The following KIF6 variants were observed in gnomAD, a reference collection of about 807,000 sequenced individuals.
KIF6 encodes kinesin family member 6.
In KIF6, 106 loss-of-function variants were observed where a neutral mutation model predicts 112.7. The ratio of observed to expected loss-of-function variants is 0.94; its 90% CI spans 0.80 to 1.11. The LOEUF (loss-of-function observed/expected upper bound fraction) is 1.11, where lower values mean the gene tolerates loss of function less well. Among genes scored for constraint, KIF6 ranks in the 50% least tolerant of loss-of-function variants. KIF6 has a pLI of 0.00. For synonymous variants in KIF6, 339 were observed against 339.9 expected, an observed-to-expected ratio of 1.00 and a Z score of 0.03; for missense variants, 929 against 964.0, an observed-to-expected ratio of 0.96 and a Z score of 0.48.
At chr6:39,558,194 AC>A (rs1273492774) in intron 10 of KIF6, among the ~76,000 whole-genome samples, 1 of 152,126 alleles carries the variant, frequency 6.6e-6, no homozygotes, top group Non-Finnish European at 1.5e-5. Context: ...CACAGTGAAA[AC>A]CCAAAGCTGT....
intron 13 of KIF6, among the ~76,000 whole-genome samples, chr6:39,458,579 A>T (rs1773294808): frequency 6.7e-6 from 1 of 149,026 alleles, no homozygotes; most frequent in Admixed American, 6.7e-5. Context: ...AGGAAGTCAA[A>T]TTGTCCCTGT....
At chr6:39,543,260 C>T (rs959710996) in intron 12 of KIF6, among the ~76,000 whole-genome samples, 1 of 151,980 alleles carries the variant, frequency 6.6e-6, no homozygotes, top group Admixed American at 6.6e-5. Context: ...GGGGCTGGGG[C>T]CAGGACTGAG....
Position 39,613,220 on chromosome 6 carries a change from A to G in KIF6, c.608T>C (p.Phe203Ser). 6.2e-7 allele frequency: 1 copy of G among 1,602,476 alleles called. No individual in the cohort carries two copies. Among genetic ancestry groups the G allele is most frequent in the Non-Finnish European group, 8.5e-7 (1 of 1,175,264 alleles). Residue 203 changes from phenylalanine to serine, a missense_variant, in exon 6 of 23, where the codon TTT (phenylalanine) becomes TCT (serine). By Grantham distance (155) the Phe-to-Ser change is radical. Around this residue, in one of 2 missense-constraint regions of KIF6, gnomAD observed 688 missense variants for 662.7 expected, o/e 1.04. Coordinates refer to ENST00000287152, the MANE Select transcript of KIF6 (RefSeq NM_145027.6). ...TTEEEALNLL[F>S]LGDTNRMIAE... The stretch of plus-strand genomic sequence containing the variant: ...AATCATTCGGTTGGTGTCTCCTAAA[A>G]AAAGCAAATTCAGAGCTTCTTCCTC...
At chr6:39,700,236 G>T (rs543123477) in intron 3 of KIF6, among the ~76,000 whole-genome samples, 1 of 152,108 alleles carries the variant, frequency 6.6e-6, no homozygotes, top group African/African-American at 2.4e-5. Context: ...TTCAATAGTA[G>T]GTCTTATTCA....
chr6:39,662,036 C>T (rs893502500), intron 3 of KIF6, among the ~76,000 whole-genome samples: 2 of 152,174 alleles, frequency 1.3e-5, no homozygotes, highest in African/African-American at 2.4e-5. Context: ...CAAACCCATA[C>T]TCTTAATAAC....
chr6:39,462,587 A>G (rs2150425444), intron 13 of KIF6, among the ~76,000 whole-genome samples: 1 of 152,306 alleles, frequency 6.6e-6, no homozygotes, highest in South Asian at 2.1e-4. Context: ...GCCAATAGCC[A>G]GCCTGAGGAG....
chr6:39,556,002 T>C (rs1375719903), intron 10 of KIF6, among the ~76,000 whole-genome samples: 1 of 151,346 alleles, frequency 6.6e-6, no homozygotes, highest in Non-Finnish European at 1.5e-5. Context: ...AATGGATTCT[T>C]ACATAAAGAT....
chr6:39,703,081 C>CA (rs1491301822), intron 3 of KIF6, among the ~76,000 whole-genome samples: 1 of 44,996 alleles, frequency 2.2e-5, no homozygotes, highest in African/African-American at 4.5e-5. Context: ...ACCAACCCCC[C>CA]ACCCCCACTC....
At chr6:39,388,181 C>A (rs540341610) in intron 15 of KIF6, among the ~76,000 whole-genome samples, 125 of 152,294 alleles carry the variant, frequency 8.2e-4, no homozygotes, top group Admixed American at 2.1e-3. Context: ...TGCCTCCAAA[C>A]CCCATGCCTT....
At chr6:39,509,175 T>G (rs1776620827) in intron 13 of KIF6, among the ~76,000 whole-genome samples, 1 of 152,100 alleles carries the variant, frequency 6.6e-6, no homozygotes, top group Non-Finnish European at 1.5e-5. Context: ...CAGAAAGGAA[T>G]AGCATCAACG....
intron 2 of KIF6, among the ~76,000 whole-genome samples, chr6:39,715,816 T>C (rs567274835): frequency 1.2e-3 from 182 of 152,260 alleles, no homozygotes; most frequent in Non-Finnish European, 1.7e-3. Context: ...TTTTAGACAG[T>C]AATATTTACT....
intron 13 of KIF6, among the ~76,000 whole-genome samples, chr6:39,501,039 G>T (rs907125116): frequency 2.6e-5 from 4 of 152,154 alleles, no homozygotes; most frequent in African/African-American, 9.7e-5. Flanking sequence ...AAATATCTAG[G>T]TTGTTGCATT....
chr6:39,599,184 A>C (rs538276222), intron 6 of KIF6, among the ~76,000 whole-genome samples: 34 of 152,314 alleles, frequency 2.2e-4, no homozygotes, highest in Non-Finnish European at 2.2e-4. Context: ...CTGATTCAAG[A>C]TACAAGTGAC....
intron 3 of KIF6, among the ~76,000 whole-genome samples, chr6:39,713,985 A>G (rs1364220927): frequency 6.6e-6 from 1 of 152,204 alleles, no homozygotes; most frequent in East Asian, 1.9e-4. Flanking sequence ...TCTTGGGATT[A>G]TCATTAGGTC....
chr6:39,445,932 G>C (rs1377592834), intron 13 of KIF6, among the ~76,000 whole-genome samples: 1 of 152,232 alleles, frequency 6.6e-6, no homozygotes, highest in East Asian at 1.9e-4. Flanking sequence ...CCCTCAACCA[G>C]TTCCCTGTTT....
At chr6:39,452,244 A>C (rs1232110971) in intron 13 of KIF6, among the ~76,000 whole-genome samples, 1 of 152,218 alleles carries the variant, frequency 6.6e-6, no homozygotes, top group African/African-American at 2.4e-5. Context: ...AAGGGTGCTA[A>C]AAGTTAAGCT....
At chr6:39,636,980 T>G (rs958414043) in intron 4 of KIF6, among the ~76,000 whole-genome samples, 2 of 152,102 alleles carry the variant, frequency 1.3e-5, no homozygotes, top group Non-Finnish European at 2.9e-5. Flanking sequence ...TTTAAAATCT[T>G]ACAAAAGTGT....
chr6:39,643,778 T>C (rs1230780120), intron 3 of KIF6, among the ~76,000 whole-genome samples: 1 of 152,150 alleles, frequency 6.6e-6, no homozygotes, highest in Non-Finnish European at 1.5e-5. Flanking sequence ...GTTTTTTAGA[T>C]ATGACATCAA....
chr6:39,535,901 T>A (rs1396539198), intron 13 of KIF6, among the ~76,000 whole-genome samples: 1 of 152,116 alleles, frequency 6.6e-6, no homozygotes, highest in Non-Finnish European at 1.5e-5. Flanking sequence ...AACTCAGGAT[T>A]AACAAACTCA....
Sources: gnomAD v4.1 joint callset for allele counts (sites outside exome capture counted in the v4.1 genomes callset) on GRCh38, gnomAD v4.1.1 for gene constraint, gnomAD v4.1.1 regional missense constraint, MANE v1.5 for transcripts, NCBI Gene and HGNC (gene_info 2026-07-23, HGNC 2026-07-21) for gene names.